The following TRIM71 variants were observed in gnomAD, a reference collection of about 807,000 sequenced individuals.
TRIM71 encodes the protein E3 ubiquitin-protein ligase TRIM71.
Under a neutral mutation model 61.2 loss-of-function variants are expected in TRIM71, and 9 were observed. The observed-to-expected ratio is 0.15, with a 90% CI of 0.09 to 0.26. The LOEUF (loss-of-function observed/expected upper bound fraction) is 0.26. Ranked by LOEUF, TRIM71 falls within the 10% of genes least tolerant of loss-of-function variation. The probability of loss-of-function intolerance (pLI) is 1.00; values close to 1 mark genes in which losing one functional copy is unlikely to be tolerated. For synonymous variants in TRIM71, 645 were observed against 553.2 expected, an observed-to-expected ratio of 1.17 and a Z score of -2.33; for missense variants, 998 against 1,238.7, an observed-to-expected ratio of 0.81 and a Z score of 2.92.
intron 1 of TRIM71, among the ~76,000 whole-genome samples, chr3:32,842,520 T>A (rs891734987): frequency 1.3e-5 from 2 of 152,242 alleles, no homozygotes; most frequent in African/African-American, 4.8e-5. Context: ...TGTACCAGCA[T>A]AGCACTTGTC....
At position 32,894,719 on chromosome 3, in the gene TRIM71, A is replaced by G. The variant is rs1697061482; in HGVS notation, c.*2908A>G. 1.3e-5 allele frequency: 2 copies of G among 152,242 alleles called. No homozygotes were observed. Among genetic ancestry groups the G allele is most frequent in the Admixed American group, 1.3e-4 (2 of 15,284 alleles). 9.4% of individuals were successfully genotyped at this position (152,242 alleles called of 1,614,324 possible). ...TGGAGAGTGTTTATTGTATGATGTG[A>G]AATGTTCTAAATCAAAGAAAGATGA... On this transcript the variant is annotated 3_prime_UTR_variant, in exon 4 of 4. Transcript: ENST00000383763.
At position 32,818,820 on chromosome 3, in the gene TRIM71, C is replaced by G; in HGVS notation, c.740C>G (p.Ala247Gly). The G allele has an allele frequency of 6.2e-7, 1 of 1,610,516 alleles. No homozygotes were observed. The highest frequency in any genetic ancestry group is 8.5e-7 in the Non-Finnish European group (1 of 1,178,778). ...GAGCGCGGCCCGCCGGGTCCCGGTG[C>G]CGCAGCAGCGGCGCAGCAGCTCGGG... ...YIERGPPGPG[A>G]AAAAQQLGLG... Residue 247 changes from alanine (A) to glycine (G), a missense_variant, in exon 1 of 4, where the codon GCC (alanine) becomes GGC (glycine). Around this residue, in one of 5 missense-constraint regions of TRIM71, gnomAD observed 527 missense variants for 427.8 expected, o/e 1.23. Transcript: ENST00000383763.
chr3:32,886,600 C>CT (rs1696964460), intron 3 of TRIM71, among the ~76,000 whole-genome samples: 1 of 152,184 alleles, frequency 6.6e-6, no homozygotes, highest in African/African-American at 2.4e-5. Flanking sequence ...CCAACTGTTC[C>CT]TTTTCTGATT....
chr3:32,830,678 A>G (rs866053373), intron 1 of TRIM71, among the ~76,000 whole-genome samples: 23 of 152,200 alleles, frequency 1.5e-4, no homozygotes, highest in African/African-American at 4.1e-4. Flanking sequence ...CTGATTGTCA[A>G]CTTCCAATGA....
chr3:32,880,523 T>G (rs775895860), intron 2 of TRIM71, among the ~76,000 whole-genome samples: 1 of 152,210 alleles, frequency 6.6e-6, no homozygotes, highest in African/African-American at 2.4e-5. Context: ...TCACAACTTG[T>G]CCTGAGAGTC....
At chr3:32,865,105 G>A (rs1173311936) in intron 1 of TRIM71, among the ~76,000 whole-genome samples, 2 of 152,036 alleles carry the variant, frequency 1.3e-5, no homozygotes, top group Admixed American at 1.3e-4. Flanking sequence ...CGAGGCAGTC[G>A]GATCATGAGG....
intron 2 of TRIM71, among the ~76,000 whole-genome samples, chr3:32,877,915 C>G (rs1406523786): frequency 1.3e-5 from 2 of 152,158 alleles, no homozygotes; most frequent in South Asian, 2.1e-4. Context: ...ATTTTGACCT[C>G]TACCTATGAA....
intron 2 of TRIM71, among the ~76,000 whole-genome samples, chr3:32,882,594 G>A (rs1216981778): frequency 6.6e-6 from 1 of 152,008 alleles, no homozygotes; most frequent in Non-Finnish European, 1.5e-5. Flanking sequence ...CCCAGGCTGG[G>A]GGGCGCGGTG....
intron 3 of TRIM71, among the ~76,000 whole-genome samples, chr3:32,888,857 A>ATG: frequency 6.6e-6 from 1 of 152,276 alleles, no homozygotes; most frequent in East Asian, 1.9e-4. Context: ...TGAATCTGTC[A>ATG]TGTCACTCCC....
rs1346574838 is a variant in TRIM71, at chr3:32,895,213, G to C, written c.*3402G>C. 2 of 152,208 alleles carry C rather than the reference G, an allele frequency of 1.3e-5. No homozygotes were observed. The highest frequency in any genetic ancestry group is 2.1e-4 in the South Asian group (1 of 4,828). 9.4% of individuals were successfully genotyped at this position (152,208 alleles called of 1,614,324 possible). A position where few individuals can be genotyped will look rare whatever the true frequency, so the allele number is the denominator to read the frequency against. ...CTGCAAGTGGCACTCAAGTTGACTA[G>C]AGCACAGTGACCTGGGTTGTACCCC... On this transcript the variant is annotated 3_prime_UTR_variant, in exon 4 of 4. Coordinates refer to ENST00000383763, the MANE Select transcript of TRIM71 (RefSeq NM_001039111.3).
intron 1 of TRIM71, among the ~76,000 whole-genome samples, chr3:32,827,058 C>T (rs189813528): frequency 4.1e-4 from 63 of 152,236 alleles, no homozygotes; most frequent in Middle Eastern, 3.4e-3. Context: ...AGCCACCGCG[C>T]CCGGGCTATG....
rs955283843 is a variant in TRIM71 at position 32,818,059 on chromosome 3, C to T, written c.-22C>T. The T allele has an allele frequency of 1.9e-6, 3 of 1,608,510 alleles. No homozygotes were observed. The highest frequency in any genetic ancestry group is 2.5e-6 in the Non-Finnish European group (3 of 1,176,578). On this transcript the variant is annotated 5_prime_UTR_variant, in exon 1 of 4. Coordinates refer to ENST00000383763, the MANE Select transcript of TRIM71 (RefSeq NM_001039111.3). ...CCTCCTCTTCCTCTCTGGTCTCCTC[C>T]CTCCTCCGGGCTGGGTTGCAAATGG...
intron 1 of TRIM71, among the ~76,000 whole-genome samples, chr3:32,869,692 G>T (rs189755378): frequency 6.6e-6 from 1 of 151,974 alleles, no homozygotes; most frequent in Non-Finnish European, 1.5e-5. Flanking sequence ...CTAGTCTCCC[G>T]CCCGTTCCTT....
intron 1 of TRIM71, among the ~76,000 whole-genome samples, chr3:32,833,951 CTTTG>C (rs1341059858): frequency 2.0e-5 from 3 of 152,026 alleles, no homozygotes; most frequent in Non-Finnish European, 4.4e-5. Flanking sequence ...TTTTTACTTC[CTTTG>C]TTTCTGTTGT....
In TRIM71 at chr3:32,895,486, ATG is replaced by A. The variant is rs1299054213; in HGVS notation, c.*3679_*3680del. The A allele has an allele frequency of 1.3e-5, 2 of 152,138 alleles. No individual in the cohort carries two copies. The highest frequency in any genetic ancestry group is 2.9e-5 in the Non-Finnish European group (2 of 68,026). 9.4% of individuals were successfully genotyped at this position (152,138 alleles called of 1,614,324 possible). ...TGAAGCAGCAAAATACTGTTTATAT[ATG>A]TGTTACCTTCCTCGTTGGAAGATTC... On this transcript the variant is annotated 3_prime_UTR_variant, in exon 4 of 4. Transcript: ENST00000383763.
chr3:32,886,110 C>G lies in TRIM71; in HGVS notation c.1155+42C>G, dbSNP rs770683122. The G allele has an allele frequency of 1.1e-5, 17 of 1,586,860 alleles. No homozygotes were observed. The South Asian group carries it at 1.9e-4, about 17-fold the overall frequency. On this transcript the variant is annotated intron_variant, in intron 3 of 3. Transcript: ENST00000383763. ...CCCCACCCAGGCTGTGCCCACTCGGCTTCCATGAACCTCAGCAGCACTCTA... is the reference window on the plus strand; with the variant it reads ...CCCCACCCAGGCTGTGCCCACTCGGGTTCCATGAACCTCAGCAGCACTCTA...
At chr3:32,825,531 G>A (rs1696533996) in intron 1 of TRIM71, among the ~76,000 whole-genome samples, 1 of 152,112 alleles carries the variant, frequency 6.6e-6, no homozygotes, top group African/African-American at 2.4e-5. Flanking sequence ...GACCATTTCA[G>A]TGTCATTTTT....
At chr3:32,825,625 A>G (rs1264222692) in intron 1 of TRIM71, among the ~76,000 whole-genome samples, 2 of 152,202 alleles carry the variant, frequency 1.3e-5, no homozygotes, top group South Asian at 2.1e-4. Context: ...TCCCACCCAT[A>G]AAACTAATAA....
intron 1 of TRIM71, among the ~76,000 whole-genome samples, chr3:32,846,673 C>G (rs1024085898): frequency 5.9e-5 from 9 of 151,344 alleles, no homozygotes; most frequent in East Asian, 2.0e-4. Context: ...CCCAGCCCCC[C>G]GCTCCAACCC....
Sources: gnomAD v4.1 joint callset for allele counts (sites outside exome capture counted in the v4.1 genomes callset) on GRCh38, gnomAD v4.1.1 for gene constraint, gnomAD v4.1.1 regional missense constraint, MANE v1.5 for transcripts, NCBI Gene and HGNC (gene_info 2026-07-23, HGNC 2026-07-21) for gene names.